The following DNAH9 variants were observed in gnomAD, a reference collection of about 807,000 sequenced individuals.
DNAH9 encodes the protein DNAH9 variant protein.
In DNAH9, 345 loss-of-function variants were observed where a neutral mutation model predicts 471.6. The observed-to-expected ratio is 0.73, with a 90% CI of 0.67 to 0.80. The LOEUF is 0.80. Among genes scored for constraint, DNAH9 ranks in the 30% least tolerant of loss-of-function variants. The probability of loss-of-function intolerance (pLI) is 0.00; values close to 1 mark genes in which losing one functional copy is unlikely to be tolerated. For synonymous variants in DNAH9, 2,093 were observed against 2,123.6 expected, an observed-to-expected ratio of 0.99 and a Z score of 0.40; for missense variants, 5,407 against 5,609.2, an observed-to-expected ratio of 0.96 and a Z score of 1.15.
chr17:11,748,071 G>A (rs575809023), intron 32 of DNAH9, among the ~76,000 whole-genome samples: 1 of 149,718 alleles, frequency 6.7e-6, no homozygotes, highest in Non-Finnish European at 1.5e-5. Context: ...TTGGGAAGCG[G>A]AGGTGGGTGG....
At chr17:11,966,522 C>A (rs903074268) in intron 68 of DNAH9, among the ~76,000 whole-genome samples, 4 of 152,242 alleles carry the variant, frequency 2.6e-5, no homozygotes, top group Admixed American at 2.6e-4. Flanking sequence ...CTCAAGTCCA[C>A]ACAAAGATAT....
intron 51 of DNAH9, among the ~76,000 whole-genome samples, chr17:11,871,120 T>A (rs1721320209): frequency 6.6e-6 from 1 of 152,184 alleles, no homozygotes; most frequent in African/African-American, 2.4e-5. Context: ...CTTACCATGC[T>A]TCTCTGTGTC....
At position 11,858,355 on chromosome 17, in the gene DNAH9, C is replaced by G. The variant is rs539695325; in HGVS notation, c.9933+3927C>G. On this transcript the variant is annotated intron_variant, in intron 50 of 68. Transcript: ENST00000262442. Reference sequence around the variant, plus strand: ...GCAGCTCAACTGTGTTCCAGTTGGCCCACGCAGTCTATTTGCAGATGATTT... The same window carrying G: ...GCAGCTCAACTGTGTTCCAGTTGGCGCACGCAGTCTATTTGCAGATGATTT... Among the ~76,000 whole-genome samples, 295 of 152,182 alleles carry G rather than the reference C, an allele frequency of 1.9e-3. 1 individual carries two copies. Among genetic ancestry groups the G allele is most frequent in the African/African-American group, 7.0e-3 (290 of 41,516 alleles).
chr17:11,619,318 T>C (rs1393367835), intron 5 of DNAH9, among the ~76,000 whole-genome samples: 1 of 152,198 alleles, frequency 6.6e-6, no homozygotes, highest in African/African-American at 2.4e-5. Flanking sequence ...TGTTTCCTTG[T>C]CCCTGGCTAC....
chr17:11,855,334 GGCTGGTT>G lies in DNAH9; in HGVS notation c.9933+907_9933+913del, dbSNP rs1198212242. Among the ~76,000 whole-genome samples the G allele has an allele frequency of 7.9e-5, 12 of 152,196 alleles. No homozygotes were observed. The South Asian group carries it at 8.3e-4, about 11-fold the overall frequency. Reference sequence around the variant, plus strand: ...GAAAACAAAGAAATTTTCTATAATAGGCTGGTTTATGAGTTACAACAATTTAATTAAT... The same window carrying G: ...GAAAACAAAGAAATTTTCTATAATAGTATGAGTTACAACAATTTAATTAAT... On this transcript the variant is annotated intron_variant, in intron 50 of 68. Coordinates refer to ENST00000262442, the MANE Select transcript of DNAH9 (RefSeq NM_001372.4).
rs1555621039 is a variant in DNAH9 at position 11,920,035 on chromosome 17, C to CTTTCTT, written c.11750-3776_11750-3775insCTTTTT. Among the ~76,000 whole-genome samples, 137 of 135,942 alleles carry CTTTCTT rather than the reference C, an allele frequency of 1.0e-3. 2 individuals are homozygous for CTTTCTT. Among genetic ancestry groups the CTTTCTT allele is most frequent in the African/African-American group, 1.9e-3 (69 of 36,798 alleles). The allele number at this position is 135,942 out of a possible 152,430, so 89.2% of individuals were successfully genotyped here. Reference sequence around the variant, plus strand: ...GAAATGAAATGGAGCTAAGTTCTTTCTTTTTTTTTTTTTTTTGAGACAGAG... The same window carrying CTTTCTT: ...GAAATGAAATGGAGCTAAGTTCTTTCTTTCTTTTTTTTTTTTTTTTTTGAGACAGAG... On this transcript the variant is annotated intron_variant, in intron 61 of 68. Coordinates refer to ENST00000262442, the MANE Select transcript of DNAH9 (RefSeq NM_001372.4).
At chr17:11,681,693 A>G (rs2150742849) in intron 19 of DNAH9, among the ~76,000 whole-genome samples, 1 of 152,200 alleles carries the variant, frequency 6.6e-6, no homozygotes, top group Non-Finnish European at 1.5e-5. Flanking sequence ...AAATCTCCAA[A>G]CTGGAAAATT....
At position 11,821,901 on chromosome 17, in the gene DNAH9, G is replaced by T. The variant is rs375662892; in HGVS notation, c.8708-19G>T. On this transcript the variant is annotated intron_variant, in intron 45 of 68. Coordinates refer to ENST00000262442, the MANE Select transcript of DNAH9 (RefSeq NM_001372.4). ...AACGAGATGCCAAGGCTGCCTATCTGTGCTCCATTTTTTCCCAGGGGAGAT... is the reference window on the plus strand; with the variant it reads ...AACGAGATGCCAAGGCTGCCTATCTTTGCTCCATTTTTTCCCAGGGGAGAT... 6.2e-7 allele frequency: 1 copy of T among 1,604,460 alleles called. No individual in the cohort carries two copies. Among genetic ancestry groups the T allele is most frequent in the East Asian group, 2.2e-5 (1 of 44,802 alleles).
In DNAH9 at chr17:11,619,699, A is replaced by G; in HGVS notation, c.1268A>G (p.Gln423Arg). The stretch of plus-strand genomic sequence containing the variant: ...CTCCACACTTACTTCAAAGAGAACC[A>G]GGAAGTCAAGGAATGGGATTTCCAG... ...ENLHTYFKEN[Q>R]EVKEWDFQSS... is the part of the protein sequence containing the mutation. The change falls in exon 6 of 69, where the codon CAG (glutamine) becomes CGG (arginine). Residue 423 changes from glutamine to arginine, a missense_variant. Physicochemically the swap from Gln to Arg is conservative, Grantham distance 43. Around this residue, in one of 3 missense-constraint regions of DNAH9, gnomAD observed 767 missense variants for 692.5 expected, o/e 1.11. Coordinates refer to ENST00000262442, the MANE Select transcript of DNAH9 (RefSeq NM_001372.4). 6.2e-7 allele frequency: 1 copy of G among 1,614,104 alleles called. No homozygotes were observed. The highest frequency in any genetic ancestry group is 1.6e-4 in the Middle Eastern group (1 of 6,062).
Position 11,822,906 on chromosome 17 carries a change from A to C in DNAH9, c.9118A>C (p.Thr3040Pro). ...LSNEQRYNYT[T>P]PKSFLEFIRL... ...CAATGAACAGCGCTACAACTATACA[A>C]CTCCCAAGTCCTTTCTGGAGTTCAT... is the stretch of plus-strand genomic sequence containing the variant. Residue 3040 changes from threonine (T) to proline (P), a missense_variant, in exon 48 of 69, where the codon ACT becomes CCT. Transcript: ENST00000262442. 6.2e-7 allele frequency: 1 copy of C among 1,614,004 alleles called. No individual in the cohort carries two copies. The highest frequency in any genetic ancestry group is 8.5e-7 in the Non-Finnish European group (1 of 1,180,006).
rs193020092 is a variant in DNAH9 at position 11,821,869 on chromosome 17, A to G, written c.8708-51A>G. The G allele has an allele frequency of 8.9e-6, 14 of 1,573,574 alleles. No homozygotes were observed. In the East Asian group the frequency reaches 1.6e-4, roughly 18 times the overall value. ...AGGATAACTTCCCATGTCTGATTGC[A>G]TCATTTAACGAGATGCCAAGGCTGC... On this transcript the variant is annotated intron_variant, in intron 45 of 68. Transcript: ENST00000262442.
At chr17:11,617,311 C>A in intron 4 of DNAH9, 100 bp from the exon 5 acceptor site, 1 of 745,016 alleles carries the variant, frequency 1.3e-6, no homozygotes, top group Non-Finnish European at 2.2e-6. Flanking sequence ...CTTCTCTCTG[C>A]TTGTTGTTTT....
chr17:11,968,995 G>A (rs1976972540), intron 68 of DNAH9, among the ~76,000 whole-genome samples: 1 of 152,192 alleles, frequency 6.6e-6, no homozygotes, highest in Non-Finnish European at 1.5e-5. Flanking sequence ...CATTCGATAT[G>A]CTCATGAAAT....
At chr17:11,901,067 C>A (rs1449913273) in intron 59 of DNAH9, among the ~76,000 whole-genome samples, 1 of 152,156 alleles carries the variant, frequency 6.6e-6, no homozygotes, top group Non-Finnish European at 1.5e-5. Context: ...AGCTCCCAAG[C>A]AGGCTGCAAA....
Position 11,769,262 on chromosome 17 carries a change from T to G in DNAH9, c.7485T>G (p.Leu2495=), listed in dbSNP as rs1255223856. 1 of 1,614,134 alleles carries G rather than the reference T, an allele frequency of 6.2e-7. No homozygotes were observed. The highest frequency in any genetic ancestry group is 1.7e-5 in the Admixed American group (1 of 60,010). Residue 2495 remains leucine (L), a synonymous_variant, in exon 38 of 69, where the codon CTT becomes CTG. Coordinates refer to ENST00000262442, the MANE Select transcript of DNAH9 (RefSeq NM_001372.4). ...TGGTGGGAGCTAAGCTGGCCAGCCT[T>G]GACCCCGAGGCATACCTGGTGAAAA... The part of the protein sequence containing the change: ...SVLVGAKLAS[L]DPEAYLVKNV...
At chr17:11,777,403 CT>C (rs928826062) in intron 38 of DNAH9, among the ~76,000 whole-genome samples, 2 of 152,136 alleles carry the variant, frequency 1.3e-5, no homozygotes, top group African/African-American at 4.8e-5. Flanking sequence ...TAAGTCTCTT[CT>C]TGTTCTTTTT....
At chr17:11,659,190 C>A (rs1001165755) in intron 14 of DNAH9, among the ~76,000 whole-genome samples, 15 of 152,054 alleles carry the variant, frequency 9.9e-5, no homozygotes, top group Non-Finnish European at 2.2e-4. Flanking sequence ...TTTTGCCTAA[C>A]ACCTTTATTA....
chr17:11,636,751 T>C lies in DNAH9; in HGVS notation c.1753T>C (p.Tyr585His), dbSNP rs751953599. The change falls in exon 9 of 69, where the codon TAC becomes CAC. Residue 585 changes from tyrosine to histidine, a missense_variant. This residue lies in a region of DNAH9 where 4,636 missense variants were observed against 4,900.3 expected (regional missense o/e 0.95). Coordinates refer to ENST00000262442, the MANE Select transcript of DNAH9 (RefSeq NM_001372.4). ...NKDLDAVRMI[Y>H]SQHVQEEAEL... ...AGATCTGGATGCAGTGAGGATGATC[T>C]ACAGTCAGCACGTCCAGGAGGAAGC... The C allele has an allele frequency of 1.3e-5, 21 of 1,614,146 alleles. No individual in the cohort carries two copies. The highest frequency in any genetic ancestry group is 1.6e-5 in the Non-Finnish European group (19 of 1,179,980).
intron 66 of DNAH9, among the ~76,000 whole-genome samples, chr17:11,941,730 A>AGATAGAT (rs1555527787): frequency 2.6e-5 from 4 of 151,926 alleles, no homozygotes; most frequent in African/African-American, 9.7e-5. Flanking sequence ...ATAGATAGAT[A>AGATAGAT]GATAGATAGT....
Sources: allele counts gnomAD v4.1 joint callset (sites outside exome capture counted in the v4.1 genomes callset), GRCh38; gene constraint gnomAD v4.1.1; regional missense constraint gnomAD v4.1.1; transcripts MANE v1.5; gene names NCBI Gene and HGNC (gene_info 2026-07-23, HGNC 2026-07-21).